Variants in GOLPH3 observed in about 807,000 individuals in gnomAD.
GOLPH3 encodes golgi phosphoprotein 3, also known as coat protein GPP34.
GOLPH3 carries 14 observed loss-of-function variants against 28.5 expected under a neutral mutation model. The observed-to-expected ratio is 0.49, with a 90% CI of 0.32 to 0.77. The LOEUF is 0.77. Ranked by LOEUF, GOLPH3 falls within the 30% of genes least tolerant of loss-of-function variation. The pLI, the probability that GOLPH3 is intolerant of heterozygous loss-of-function variation, is 0.03. For synonymous variants in GOLPH3, 158 were observed against 159.2 expected, an observed-to-expected ratio of 0.99 and a Z score of 0.06; for missense variants, 350 against 393.7, an observed-to-expected ratio of 0.89 and a Z score of 0.94.
chr5:32,168,116 T>C (rs1322478536), intron 1 of GOLPH3, among the ~76,000 whole-genome samples: 1 of 152,016 alleles, frequency 6.6e-6, no homozygotes, highest in Non-Finnish European at 1.5e-5. Context: ...ACAACGAAAA[T>C]TCATTAAAAA....
intron 2 of GOLPH3, among the ~76,000 whole-genome samples, chr5:32,142,632 C>A: frequency 6.8e-6 from 1 of 146,472 alleles, no homozygotes; most frequent in African/African-American, 2.6e-5. Context: ...GCCAGCCGCC[C>A]CGTCCGGGAG....
chr5:32,131,560 C>T (rs898443984), intron 3 of GOLPH3, among the ~76,000 whole-genome samples: 4 of 152,174 alleles, frequency 2.6e-5, no homozygotes, highest in African/African-American at 4.8e-5. Flanking sequence ...GATTAAAAGA[C>T]GTTACTGCGA....
intron 1 of GOLPH3, among the ~76,000 whole-genome samples, chr5:32,147,055 A>C (rs1746191800): frequency 6.6e-6 from 1 of 152,254 alleles, no homozygotes; most frequent in Non-Finnish European, 1.5e-5. Context: ...AGTTACATAA[A>C]TATTAATACG....
chr5:32,137,542 C>T (rs548702197), intron 2 of GOLPH3, among the ~76,000 whole-genome samples: 1 of 151,870 alleles, frequency 6.6e-6, no homozygotes, highest in South Asian at 2.1e-4. Flanking sequence ...GCCTGTAAAC[C>T]CAGCTACTTG....
At chr5:32,143,556 ACAAT>A (rs1746129840) in intron 2 of GOLPH3, among the ~76,000 whole-genome samples, 189 bp downstream of exon 2, 1 of 152,190 alleles carries the variant, frequency 6.6e-6, no homozygotes, top group Admixed American at 6.5e-5. Flanking sequence ...GGTTACCTTA[ACAAT>A]CAATTACATT....
chr5:32,127,579 T>C (rs1745712111), intron 3 of GOLPH3, among the ~76,000 whole-genome samples: 1 of 152,218 alleles, frequency 6.6e-6, no homozygotes, highest in African/African-American at 2.4e-5. Context: ...ACTAGCCACA[T>C]TTCACGTATA....
In GOLPH3 at chr5:32,143,835, C is replaced by T. The variant is rs746697343; in HGVS notation, c.271G>A (p.Gly91Ser). Residue 91 changes from glycine (G) to serine (S), a missense_variant, in exon 2 of 4, where the codon GGC becomes AGC. Coordinates refer to ENST00000265070, the MANE Select transcript of GOLPH3 (RefSeq NM_022130.4). ...WNDCISSGLRGCMLIELALRG... is the reference protein window; with the variant it reads ...WNDCISSGLRSCMLIELALRG... ...AATGCTAATTCAATTAACATACAGC[C>T]ACGTAATCCAGATGATATACAGTCA... is the stretch of plus-strand genomic sequence containing the variant. 1 of 1,597,796 alleles carries T rather than the reference C, an allele frequency of 6.3e-7. No homozygotes were observed. Among genetic ancestry groups the T allele is most frequent in the Admixed American group, 1.8e-5 (1 of 56,728 alleles).
rs550267749 is a variant in GOLPH3 at position 32,150,219 on chromosome 5, A to G, written c.226-6339T>C. On this transcript the variant is annotated intron_variant, in intron 1 of 3. Coordinates refer to ENST00000265070, the MANE Select transcript of GOLPH3 (RefSeq NM_022130.4). ...AACAGCAACAAAAAGAACAAAAAAT[A>G]CCATGGCAAAACCTATATGAAAAGT... Among the ~76,000 whole-genome samples, 3 of 152,158 alleles carry G rather than the reference A, an allele frequency of 2.0e-5. No homozygotes were observed. The South Asian group carries it at 6.2e-4, about 32-fold the overall frequency.
chr5:32,145,292 G>C (rs905817294), intron 1 of GOLPH3, among the ~76,000 whole-genome samples: 1 of 152,240 alleles, frequency 6.6e-6, no homozygotes, highest in African/African-American at 2.4e-5. Flanking sequence ...TAAATGTGAG[G>C]TGTAAGTAGC....
At chr5:32,134,532 A>C (rs1004077888) in intron 3 of GOLPH3, among the ~76,000 whole-genome samples, 1 of 151,704 alleles carries the variant, frequency 6.6e-6, no homozygotes, top group Non-Finnish European at 1.5e-5. Context: ...AAAAAAAAAA[A>C]AAAAAACTCA....
chr5:32,128,609 C>T (rs924334630), intron 3 of GOLPH3, among the ~76,000 whole-genome samples: 1 of 151,918 alleles, frequency 6.6e-6, no homozygotes, highest in South Asian at 2.1e-4. Flanking sequence ...TGCAGTGAGC[C>T]GAGATCGTGC....
chr5:32,160,355 G>A (rs1484931362), intron 1 of GOLPH3, among the ~76,000 whole-genome samples: 2 of 152,176 alleles, frequency 1.3e-5, no homozygotes, highest in African/African-American at 4.8e-5. Context: ...TGGGATTACA[G>A]GCATGAGCCA....
chr5:32,144,324 A>T (rs762432029), intron 1 of GOLPH3, among the ~76,000 whole-genome samples: 43 of 152,228 alleles, frequency 2.8e-4, no homozygotes, highest in Non-Finnish European at 1.2e-4. Context: ...TTAGGATAAA[A>T]CCACAAGGTT....
chr5:32,134,178 T>C (rs951393045), intron 3 of GOLPH3, among the ~76,000 whole-genome samples: 1 of 152,006 alleles, frequency 6.6e-6, no homozygotes, highest in Middle Eastern at 3.2e-3. Flanking sequence ...AAGACCAGCC[T>C]GAGCAACACA....
chr5:32,157,636 G>A (rs1689034302), intron 1 of GOLPH3, among the ~76,000 whole-genome samples: 1 of 152,072 alleles, frequency 6.6e-6, no homozygotes, highest in South Asian at 2.1e-4. Context: ...AAAAAATATT[G>A]AAATCTCAGT....
Position 32,172,354 on chromosome 5 carries a change from G to A in GOLPH3, c.225+1456C>T, listed in dbSNP as rs554442633. 1.1e-4 allele frequency among the ~76,000 whole-genome samples: 17 copies of A among 149,944 alleles called. No individual in the cohort carries two copies. The South Asian group carries it at 3.4e-3, about 30-fold the overall frequency. On this transcript the variant is annotated intron_variant, in intron 1 of 3. Transcript: ENST00000265070. The stretch of plus-strand genomic sequence containing the variant: ...TGACCAAGAAAGATTACGTTGTTTT[G>A]TAAGACTTTTTTTTTTTTTTTGCCC...
chr5:32,153,585 T>C (rs1051960571), intron 1 of GOLPH3, among the ~76,000 whole-genome samples: 3 of 152,218 alleles, frequency 2.0e-5, no homozygotes, highest in African/African-American at 7.2e-5. Flanking sequence ...TTAGTAGTAA[T>C]GTTGACATTT....
At chr5:32,136,274 G>A (rs1581539342) in intron 2 of GOLPH3, among the ~76,000 whole-genome samples, 2 of 152,208 alleles carry the variant, frequency 1.3e-5, no homozygotes, top group East Asian at 1.9e-4. Context: ...GAGGTCAGGA[G>A]TTCAAGACCA....
At chr5:32,128,366 G>C (rs1353133348) in intron 3 of GOLPH3, among the ~76,000 whole-genome samples, 1 of 152,126 alleles carries the variant, frequency 6.6e-6, no homozygotes, top group Non-Finnish European at 1.5e-5. Flanking sequence ...CCCTAATAAA[G>C]ATTAAAAGCG....
Sources: gnomAD v4.1 joint callset for allele counts (sites outside exome capture counted in the v4.1 genomes callset) on GRCh38, gnomAD v4.1.1 for gene constraint, MANE v1.5 for transcripts, NCBI Gene and HGNC (gene_info 2026-07-23, HGNC 2026-07-21) for gene names.